The following TULP4 variants were observed in gnomAD, a reference collection of about 807,000 sequenced individuals.
The protein encoded by TULP4 is TUB like protein 4.
In TULP4, 16 loss-of-function variants were observed where a neutral mutation model predicts 129.0. That is an observed-to-expected ratio of 0.12 (90% confidence interval 0.08 to 0.19). TULP4 has a LOEUF of 0.19. Ranked by LOEUF, TULP4 falls within the 10% of genes least tolerant of loss-of-function variation. The pLI is 1.00. For missense variants in TULP4, 1,842 were observed against 2,059.1 expected, an observed-to-expected ratio of 0.89 and a Z score of 2.04; for synonymous variants, 998 against 854.0, an observed-to-expected ratio of 1.17 and a Z score of -2.94.
intron 2 of TULP4, among the ~76,000 whole-genome samples, chr6:158,425,878 G>A (rs1181227572): frequency 1.3e-5 from 2 of 152,146 alleles, no homozygotes; most frequent in Non-Finnish European, 2.9e-5. Context: ...ATAGGCGTGA[G>A]CCACCTCGCC....
chr6:158,355,733 A>C (rs1780631702), intron 1 of TULP4, among the ~76,000 whole-genome samples: 1 of 152,204 alleles, frequency 6.6e-6, no homozygotes. Flanking sequence ...GCAAGTAAGA[A>C]GGTTACAGCC....
intron 1 of TULP4, among the ~76,000 whole-genome samples, chr6:158,314,712 C>T (rs533634884): frequency 1.3e-4 from 20 of 152,344 alleles, no homozygotes; most frequent in South Asian, 4.1e-4. Context: ...TTACCTTGCA[C>T]GGTTAACATC....
intron 1 of TULP4, among the ~76,000 whole-genome samples, chr6:158,266,656 C>CA (rs1392331537): frequency 1.3e-5 from 2 of 152,122 alleles, no homozygotes; most frequent in East Asian, 3.9e-4. Context: ...AAAAATACAA[C>CA]AAAAATATAG....
At chr6:158,459,147 C>G (rs1012160856) in intron 5 of TULP4, among the ~76,000 whole-genome samples, 52 of 152,158 alleles carry the variant, frequency 3.4e-4, no homozygotes, top group Non-Finnish European at 1.2e-4. Context: ...AGAAGAAGTC[C>G]TGGCCGGGCG....
intron 1 of TULP4, among the ~76,000 whole-genome samples, chr6:158,285,595 A>T (rs1365329402): frequency 6.6e-6 from 1 of 152,130 alleles, no homozygotes; most frequent in African/African-American, 2.4e-5. Context: ...TTCTCTCTGT[A>T]TGTTGGAAAT....
chr6:158,322,593 A>T (rs1172325556), intron 1 of TULP4, among the ~76,000 whole-genome samples: 1 of 152,176 alleles, frequency 6.6e-6, no homozygotes, highest in East Asian at 1.9e-4. Flanking sequence ...TTACAATACC[A>T]CTTAGTACCT....
chr6:158,469,617 G>A (rs539320329), intron 6 of TULP4, among the ~76,000 whole-genome samples: 1 of 152,102 alleles, frequency 6.6e-6, no homozygotes, highest in East Asian at 1.9e-4. Context: ...ACATCTCTAA[G>A]TGTGGAAGGC....
At chr6:158,455,059 T>TAATTATTACCTAACTAGATATCTAAA (rs1562573433) in intron 5 of TULP4, among the ~76,000 whole-genome samples, 1 of 24,402 alleles carries the variant, frequency 4.1e-5, no homozygotes. Flanking sequence ...TTTAACATTT[T>TAATTATTACCTAACTAGATATCTAAA]TTTTTTTTTT....
At chr6:158,477,427 A>G (rs779879651) in intron 6 of TULP4, among the ~76,000 whole-genome samples, 14 of 152,298 alleles carry the variant, frequency 9.2e-5, no homozygotes, top group South Asian at 2.1e-4. Flanking sequence ...CTGTTTTTCC[A>G]AACAACCTCA....
At chr6:158,417,789 A>G (rs1778244075) in intron 2 of TULP4, among the ~76,000 whole-genome samples, 1 of 152,228 alleles carries the variant, frequency 6.6e-6, no homozygotes, top group African/African-American at 2.4e-5. Context: ...GTAATCAAAC[A>G]TTTGGCAAAA....
At chr6:158,353,752 C>T (rs2114809649) in intron 1 of TULP4, among the ~76,000 whole-genome samples, 1 of 152,292 alleles carries the variant, frequency 6.6e-6, no homozygotes, top group Non-Finnish European at 1.5e-5. Context: ...ATCTTTAAAT[C>T]TCTGTGAATA....
At chr6:158,447,914 T>A (rs1040161190) in intron 3 of TULP4, among the ~76,000 whole-genome samples, 10 of 152,178 alleles carry the variant, frequency 6.6e-5, no homozygotes, top group Admixed American at 3.9e-4. Context: ...ACAAAAGATG[T>A]AAAGTTTTTA....
At chr6:158,305,975 A>T (rs2128478684) in intron 1 of TULP4, among the ~76,000 whole-genome samples, 1 of 152,090 alleles carries the variant, frequency 6.6e-6, no homozygotes, top group South Asian at 2.1e-4. Context: ...GCCCAACACC[A>T]CTCATTTTTG....
chr6:158,308,895 C>A (rs1186606863), upstream of TULP4, among the ~76,000 whole-genome samples: 2 of 139,788 alleles, frequency 1.4e-5, no homozygotes, highest in East Asian at 2.3e-4. Flanking sequence ...CTGACCCCCC[C>A]ACCTCCCTCC....
chr6:158,347,484 C>CG (rs1780339564), intron 1 of TULP4, among the ~76,000 whole-genome samples: 1 of 152,200 alleles, frequency 6.6e-6, no homozygotes, highest in African/African-American at 2.4e-5. Context: ...GTCCACATAA[C>CG]GGCCAAAATA....
At chr6:158,345,606 G>A (rs1780285409) in intron 1 of TULP4, among the ~76,000 whole-genome samples, 1 of 152,160 alleles carries the variant, frequency 6.6e-6, no homozygotes, top group Admixed American at 6.5e-5. Context: ...GTAAGAACAG[G>A]GAGTAGGTCA....
At chr6:158,372,692 G>T (rs1583809328) in intron 1 of TULP4, among the ~76,000 whole-genome samples, 1 of 152,006 alleles carries the variant, frequency 6.6e-6, no homozygotes, top group East Asian at 1.9e-4. Context: ...TGTTTCTAAT[G>T]CACTGGAGCT....
intron 8 of TULP4, among the ~76,000 whole-genome samples, chr6:158,485,165 G>A (rs1780036862): frequency 1.3e-5 from 2 of 152,224 alleles, no homozygotes; most frequent in Non-Finnish European, 2.9e-5. Flanking sequence ...GAACTTGCAA[G>A]TGATTAAACT....
At chr6:158,501,537 C>T in intron 12 of TULP4, 141 bp from the exon 13 acceptor site, 2 of 846,144 alleles carry the variant, frequency 2.4e-6, no homozygotes, top group African/African-American at 1.7e-5. Context: ...CCAGCTTTCC[C>T]CAAGCAGACA....
Sources: allele counts gnomAD v4.1 joint callset (sites outside exome capture counted in the v4.1 genomes callset), GRCh38; gene constraint gnomAD v4.1.1; transcripts MANE v1.5; gene names NCBI Gene and HGNC (gene_info 2026-07-23, HGNC 2026-07-21).